The following TMEM165 variants were observed in gnomAD, a reference collection of about 807,000 sequenced individuals.
The protein encoded by TMEM165 is transmembrane protein 165.
In TMEM165, 19 loss-of-function variants were observed where a neutral mutation model predicts 30.0. The ratio of observed to expected loss-of-function variants is 0.63; its 90% CI spans 0.44 to 0.93. TMEM165 has a LOEUF of 0.93. Among genes scored for constraint, TMEM165 ranks in the 40% least tolerant of loss-of-function variants. TMEM165 has a pLI of 0.00. For missense variants in TMEM165, 340 were observed against 417.0 expected (o/e 0.82, Z 1.61); for synonymous variants, 168 against 162.9 (o/e 1.03, Z -0.24).
In TMEM165 at chr4:55,396,313, C is replaced by G. The variant is rs1036333511; in HGVS notation, c.124C>G (p.Arg42Gly). The G allele has an allele frequency of 6.5e-7, 1 of 1,526,894 alleles. No individual in the cohort carries two copies. Among genetic ancestry groups the G allele is most frequent in the Admixed American group, 2.0e-5 (1 of 50,144 alleles). The allele number at this position is 1,526,894 out of a possible 1,614,324, so 94.6% of individuals were successfully genotyped here. ...CGGCCCAGATGAAGACCTTAGCCAC[C>G]GGAACAAAGAACCGCCGGCGCCGGC... ...RAGPDEDLSHRNKEPPAPAQQ... is the reference protein window; with the variant it reads ...RAGPDEDLSHGNKEPPAPAQQ... The change falls in exon 1 of 6, where the codon CGG becomes GGG. Residue 42 changes from arginine (R) to glycine (G), a missense_variant. Physicochemically the swap from Arg to Gly is moderately radical, Grantham distance 125. Coordinates refer to ENST00000381334, the MANE Select transcript of TMEM165 (RefSeq NM_018475.5).
At chr4:55,418,111 G>C in intron 4 of TMEM165, 126 bp downstream of exon 4, 1 of 857,240 alleles carries the variant, frequency 1.2e-6, no homozygotes, top group South Asian at 2.6e-5. Flanking sequence ...TTTTACATCT[G>C]ATAATTCAGC....
At chr4:55,438,657 A>T (rs1406306277) in intron 3 of TMEM165, 25 of 1,437,420 alleles carry the variant, frequency 1.7e-5, no homozygotes, top group Admixed American at 3.8e-5. Flanking sequence ...TTGTTTTTCA[A>T]GGTCTGTATA....
intron 3 of TMEM165, chr4:55,450,088 C>CA (rs1469288196): frequency 6.2e-7 from 1 of 1,614,056 alleles, no homozygotes. Context: ...CAAGGGTACT[C>CA]ACAGGAAGGG....
At chr4:55,438,520 T>C (rs1457056014) in intron 3 of TMEM165, 1 of 1,613,584 alleles carries the variant, frequency 6.2e-7, no homozygotes. Context: ...GGTCACAAGT[T>C]GTTGACCTTG....
chr4:55,444,974 T>C (rs1029863419), intron 3 of TMEM165, among the ~76,000 whole-genome samples: 4 of 152,190 alleles, frequency 2.6e-5, no homozygotes, highest in Admixed American at 2.6e-4. Context: ...ACCTTCAAAA[T>C]ATTTCTCCTT....
At chr4:55,452,604 A>C (rs1202280400) in exon 4 of TMEM165, 1 of 174,732 alleles carries the variant, frequency 5.7e-6, no homozygotes, top group African/African-American at 2.4e-5. Context: ...CTAATATACT[A>C]TACTTCTGAC....
At chr4:55,450,334 A>C in intron 3 of TMEM165, 2 of 1,371,278 alleles carry the variant, frequency 1.5e-6, no homozygotes, top group South Asian at 1.2e-5. Flanking sequence ...TTTTGTCTAT[A>C]ACAAGGCAAA....
chr4:55,406,793 C>G (rs1389184489), intron 1 of TMEM165, among the ~76,000 whole-genome samples: 1 of 151,724 alleles, frequency 6.6e-6, no homozygotes, highest in Non-Finnish European at 1.5e-5. Context: ...TCCCAAATAG[C>G]TGGAAACTAC....
At chr4:55,410,176 T>G (rs1242858103) in intron 1 of TMEM165, among the ~76,000 whole-genome samples, 2 of 152,156 alleles carry the variant, frequency 1.3e-5, no homozygotes, top group Non-Finnish European at 2.9e-5. Context: ...ATAGGCTGGG[T>G]TTTGGTTCAG....
chr4:55,418,652 G>T (rs1721838578), intron 4 of TMEM165, among the ~76,000 whole-genome samples: 1 of 152,068 alleles, frequency 6.6e-6, no homozygotes, highest in African/African-American at 2.4e-5. Context: ...GCAGAAAATT[G>T]GTTCAGCTGT....
intron 3 of TMEM165, chr4:55,433,739 T>A (rs1722672088): frequency 6.6e-6 from 1 of 152,210 alleles, no homozygotes; most frequent in African/African-American, 2.4e-5. Flanking sequence ...TGTAAAATGT[T>A]TTTTAAATGT....
At chr4:55,442,713 AACAATATG>A (rs1723471894) in intron 3 of TMEM165, 13 of 1,228,408 alleles carry the variant, frequency 1.1e-5, no homozygotes, top group African/African-American at 1.5e-5. Context: ...TCATCATTCT[AACAATATG>A]ACAATATGAC....
intron 3 of TMEM165, among the ~76,000 whole-genome samples, chr4:55,450,851 T>A (rs6820119): frequency 1.3e-5 from 2 of 151,422 alleles, no homozygotes; most frequent in Admixed American, 6.6e-5. Flanking sequence ...CAAGAAAACA[T>A]AGGGGAGAAA....
At chr4:55,444,832 TACTC>T (rs1039433450) in intron 3 of TMEM165, 5 of 1,571,310 alleles carry the variant, frequency 3.2e-6, no homozygotes, top group Middle Eastern at 1.7e-4. Flanking sequence ...TAGAATTACT[TACTC>T]CTTATAATTG....
At chr4:55,425,291 C>A in intron 5 of TMEM165, 85 bp from the exon 6 acceptor site, 1 of 1,070,656 alleles carries the variant, frequency 9.3e-7, no homozygotes, top group Non-Finnish European at 1.4e-6. Flanking sequence ...GAATAATTGG[C>A]CGCCTCATCG....
chr4:55,400,538 C>T lies in TMEM165; in HGVS notation c.207+4142C>T, dbSNP rs551595473. On this transcript the variant is annotated intron_variant, in intron 1 of 5. Transcript: ENST00000381334. ...CTGCAAGGTCTGCCTTCCAGGCTCA[C>T]GCCATTCTCCTGCCTCAGCCTCCAG... Among the ~76,000 whole-genome samples the T allele has an allele frequency of 1.6e-4, 23 of 147,538 alleles. No homozygotes were observed. The South Asian group carries it at 2.5e-3, about 16-fold the overall frequency.
At chr4:55,397,773 G>A (rs574920611) in intron 1 of TMEM165, among the ~76,000 whole-genome samples, 1 of 149,476 alleles carries the variant, frequency 6.7e-6, no homozygotes, top group South Asian at 2.1e-4. Context: ...TTGAGACAGG[G>A]TCTCGCTCTG....
intron 3 of TMEM165, among the ~76,000 whole-genome samples, chr4:55,441,395 A>C (rs1406494630): frequency 6.6e-6 from 1 of 152,224 alleles, no homozygotes; most frequent in African/African-American, 2.4e-5. Flanking sequence ...TACCCAAAGG[A>C]AAAGAAGTCA....
chr4:55,419,354 A>G (rs1370297239), intron 4 of TMEM165, among the ~76,000 whole-genome samples: 1 of 152,020 alleles, frequency 6.6e-6, no homozygotes, highest in East Asian at 1.9e-4. Context: ...CAAGAATCCT[A>G]AGTTCTGGAG....
Sources: gnomAD v4.1 joint callset for allele counts (sites outside exome capture counted in the v4.1 genomes callset) on GRCh38, gnomAD v4.1.1 for gene constraint, MANE v1.5 for transcripts, NCBI Gene and HGNC (gene_info 2026-07-23, HGNC 2026-07-21) for gene names.